LAMB4: variants seen among roughly 807,000 people sequenced by gnomAD.
LAMB4 encodes the protein laminin subunit beta-4.
In LAMB4, 196 loss-of-function variants were observed where a neutral mutation model predicts 199.2. The ratio of observed to expected loss-of-function variants is 0.98; its 90% confidence interval spans 0.88 to 1.11. The LOEUF (loss-of-function observed/expected upper bound fraction) is 1.11. LAMB4 is among the 50% of genes least tolerant of loss of function. The pLI, the probability that LAMB4 is intolerant of heterozygous loss-of-function variation, is 0.00. For synonymous variants in LAMB4, 744 were observed against 770.6 expected, an observed-to-expected ratio of 0.97 and a Z score of 0.57; for missense variants, 2,080 against 2,171.2, an observed-to-expected ratio of 0.96 and a Z score of 0.83.
intron 7 of LAMB4, among the ~76,000 whole-genome samples, 166 bp from the exon 8 acceptor site, chr7:108,106,197 C>A (rs2038003298): frequency 1.3e-5 from 2 of 152,064 alleles, no homozygotes; most frequent in Non-Finnish European, 2.9e-5. Flanking sequence ...GCAGGAGGAT[C>A]CCTTGAGCTC....
chr7:108,017,425 C>G, the LAMB4 span, among the ~76,000 whole-genome samples: 1 of 151,966 alleles, frequency 6.6e-6, no homozygotes, highest in Non-Finnish European at 1.5e-5. Flanking sequence ...GGGTGGAGGG[C>G]AGGAAAGGTG....
At chr7:108,042,388 A>G (rs1357281409) in intron 29 of LAMB4, among the ~76,000 whole-genome samples, 2 of 151,824 alleles carry the variant, frequency 1.3e-5, no homozygotes, top group South Asian at 4.2e-4. Context: ...GAGTAATAAG[A>G]GGACAGGCTC....
intron 29 of LAMB4, among the ~76,000 whole-genome samples, chr7:108,041,907 T>A (rs1047249769): frequency 1.3e-5 from 2 of 152,230 alleles, no homozygotes; most frequent in Non-Finnish European, 1.5e-5. Context: ...AAAGTTCGAA[T>A]GAAAAGTGAA....
chr7:108,112,643 T>C (rs905560869), intron 3 of LAMB4, among the ~76,000 whole-genome samples: 7 of 152,050 alleles, frequency 4.6e-5, no homozygotes, highest in African/African-American at 1.7e-4. Context: ...GGCCTTTGAG[T>C]TTGCTTAATT....
In LAMB4 at chr7:108,065,874, A is replaced by T. The variant is rs746090226; in HGVS notation, c.2724T>A (p.Cys908Ter). ...YYGNPSSGQP[C>*]RPCLCPDDPS... ...GATCATCTGGACACAGGCAAGGACG[A>T]CAGGGCTGTCCTGAAGAAGGATTTC... The change falls in exon 21 of 34, where the codon TGT becomes TGA. Residue 908 changes from cysteine (C) to a stop codon, truncating the protein, a stop_gained. Transcript: ENST00000388781. LOFTEE classifies it high-confidence loss of function. 6.2e-7 allele frequency: 1 copy of T among 1,614,162 alleles called. No individual in the cohort carries two copies. Among genetic ancestry groups the T allele is most frequent in the Non-Finnish European group, 8.5e-7 (1 of 1,179,978 alleles).
At chr7:108,070,534 A>C (rs1489009539) in intron 17 of LAMB4, among the ~76,000 whole-genome samples, 1 of 152,224 alleles carries the variant, frequency 6.6e-6, no homozygotes, top group Non-Finnish European at 1.5e-5. Context: ...ACTCAGCGTG[A>C]AGATGAAGAG....
intron 14 of LAMB4, among the ~76,000 whole-genome samples, chr7:108,090,339 A>C (rs944456773): frequency 1.3e-5 from 2 of 152,216 alleles, no homozygotes; most frequent in African/African-American, 4.8e-5. Flanking sequence ...TTAAACTCTT[A>C]ATATCAATCC....
chr7:108,105,716 A>AG, intron 8 of LAMB4, 101 bp downstream of exon 8: 1 of 1,016,068 alleles, frequency 9.8e-7, no homozygotes, highest in South Asian at 1.4e-5. Context: ...ACTGGCACTT[A>AG]GATTTGTTGA....
the LAMB4 span, among the ~76,000 whole-genome samples, chr7:108,017,070 G>A: frequency 6.8e-6 from 1 of 147,224 alleles, no homozygotes; most frequent in Non-Finnish European, 1.5e-5. Context: ...TTATGAATAT[G>A]AAGAAAACAC....
At chr7:108,071,141 T>C (rs1192260157) in intron 17 of LAMB4, among the ~76,000 whole-genome samples, 2 of 152,178 alleles carry the variant, frequency 1.3e-5, no homozygotes, top group Admixed American at 1.3e-4. Flanking sequence ...CTCTCCCATC[T>C]ATAAAATCAC....
intron 32 of LAMB4, 44 bp from the exon 33 acceptor site, chr7:108,029,240 C>A: frequency 1.3e-6 from 2 of 1,546,312 alleles, no homozygotes; most frequent in East Asian, 4.5e-5. Context: ...ATGTATAAAG[C>A]ATGTACATAT....
intron 29 of LAMB4, among the ~76,000 whole-genome samples, chr7:108,042,747 A>C (rs989469589): frequency 8.5e-5 from 13 of 152,312 alleles, no homozygotes; most frequent in Non-Finnish European, 1.5e-4. Flanking sequence ...ACAACAACAA[A>C]AAAACAAACC....
At chr7:108,046,504 T>C (rs1167218340) in intron 28 of LAMB4, among the ~76,000 whole-genome samples, 1 of 152,048 alleles carries the variant, frequency 6.6e-6, no homozygotes. Flanking sequence ...AGAGGCTCTT[T>C]GCGTATTGTC....
Position 108,077,006 on chromosome 7 carries a change from C to T in LAMB4, c.2062G>A (p.Val688Ile). 6.2e-7 allele frequency: 1 copy of T among 1,613,820 alleles called. No homozygotes were observed. Among genetic ancestry groups the T allele is most frequent in the Non-Finnish European group, 8.5e-7 (1 of 1,179,730 alleles). The change falls in exon 17 of 34, where the codon GTC (valine) becomes ATC (isoleucine). Residue 688 changes from valine (V) to isoleucine (I), a missense_variant. By Grantham distance (29) the Val-to-Ile change is conservative. Coordinates refer to ENST00000388781, the MANE Select transcript of LAMB4 (RefSeq NM_007356.3). ...LEPDVQYSID[V>I]YFSQPLQGES... The stretch of plus-strand genomic sequence containing the variant: ...CCTTGCAAAGGCTGAGAAAAATAGA[C>T]ATCTATGGAATATTGTACATCTGGT...
intron 17 of LAMB4, among the ~76,000 whole-genome samples, chr7:108,074,832 C>T (rs967710929): frequency 6.6e-6 from 1 of 152,110 alleles, no homozygotes; most frequent in Non-Finnish European, 1.5e-5. Flanking sequence ...CTTCCTGGCC[C>T]ATATATACTC....
At chr7:108,091,562 GCT>G (rs1302766944) in intron 14 of LAMB4, 62 bp downstream of exon 14, 6 of 1,528,612 alleles carry the variant, frequency 3.9e-6, no homozygotes, top group African/African-American at 1.4e-5. Flanking sequence ...TCAAGTATGT[GCT>G]CTGTGTGTTT....
intron 33 of LAMB4, among the ~76,000 whole-genome samples, chr7:108,027,927 C>T (rs1206303509): frequency 2.0e-5 from 3 of 152,128 alleles, no homozygotes; most frequent in African/African-American, 4.8e-5. Flanking sequence ...GGATTACAGG[C>T]ATGTGCCACC....
At chr7:108,048,690 TTTAA>T (rs1368378100) in intron 27 of LAMB4, among the ~76,000 whole-genome samples, 16 of 148,024 alleles carry the variant, frequency 1.1e-4, no homozygotes, top group African/African-American at 3.7e-4. Flanking sequence ...TCACTTTTTA[TTTAA>T]TTATTTATTT....
At chr7:108,117,873 A>G (rs1433302491) in intron 2 of LAMB4, among the ~76,000 whole-genome samples, 2 of 152,182 alleles carry the variant, frequency 1.3e-5, no homozygotes, top group African/African-American at 4.8e-5. Flanking sequence ...AGCAGTGAGG[A>G]CAACCAGAGG....
Sources: allele counts gnomAD v4.1 joint callset (sites outside exome capture counted in the v4.1 genomes callset), GRCh38; gene constraint gnomAD v4.1.1; transcripts MANE v1.5; gene names NCBI Gene and HGNC (gene_info 2026-07-23, HGNC 2026-07-21).